The following SPTBN1 variants were observed in gnomAD, a reference collection of about 807,000 sequenced individuals.
SPTBN1 encodes spectrin beta, non-erythrocytic 1.
Under a neutral mutation model 266.4 loss-of-function variants are expected in SPTBN1, and 32 were observed. The observed-to-expected ratio is 0.12, with a 90% CI of 0.09 to 0.16. SPTBN1 has a LOEUF of 0.16. SPTBN1 is among the 10% of genes least tolerant of loss of function. The probability of loss-of-function intolerance (pLI) is 1.00; values close to 1 mark genes in which losing one functional copy is unlikely to be tolerated. For missense variants in SPTBN1, 2,296 were observed against 3,067.1 expected, an observed-to-expected ratio of 0.75 and a Z score of 5.94; for synonymous variants, 1,336 against 1,162.2, an observed-to-expected ratio of 1.15 and a Z score of -3.04.
chr2:54,659,305 C>T (rs765337112), intron 31 of SPTBN1, 39 bp downstream of exon 31: 42 of 1,600,762 alleles, frequency 2.6e-5, no homozygotes, highest in African/African-American at 9.4e-5. Flanking sequence ...CCCTTAGCCT[C>T]GGTGGCCAAT....
chr2:54,668,654 G>T lies in SPTBN1; in HGVS notation c.*85G>T. The T allele has an allele frequency of 1.6e-6, 2 of 1,271,790 alleles. No individual in the cohort carries two copies. Among genetic ancestry groups the T allele is most frequent in the Non-Finnish European group, 2.2e-6 (2 of 922,680 alleles). 78.8% of individuals were successfully genotyped at this position (1,271,790 alleles called of 1,614,324 possible). On this transcript the variant is annotated 3_prime_UTR_variant, in exon 36 of 36. Transcript: ENST00000356805. ...GCTCAGAACCAACACATTACTCTCT[G>T]TGCCTAATGTTCCTCAATGTGGTTG...
intron 2 of SPTBN1, among the ~76,000 whole-genome samples, chr2:54,535,703 C>T (rs1671557957): frequency 6.6e-6 from 1 of 152,196 alleles, no homozygotes; most frequent in Non-Finnish European, 1.5e-5. Context: ...TGCCTGGAAA[C>T]AGATGGCAAA....
At chr2:54,477,279 G>A (rs1266865513) in intron 1 of SPTBN1, among the ~76,000 whole-genome samples, 1 of 152,060 alleles carries the variant, frequency 6.6e-6, no homozygotes, top group African/African-American at 2.4e-5. Context: ...TAAACTTCAT[G>A]TAATAAACTT....
chr2:54,537,565 G>A (rs1671686014), intron 2 of SPTBN1, among the ~76,000 whole-genome samples: 1 of 152,206 alleles, frequency 6.6e-6, no homozygotes, highest in Admixed American at 6.5e-5. Flanking sequence ...GTGGGGTGGA[G>A]GAAGGCATTT....
Position 54,564,791 on chromosome 2 carries a change from G to A in SPTBN1, c.149-34301G>A, listed in dbSNP as rs114097210. Among the ~76,000 whole-genome samples the A allele has an allele frequency of 4.6e-3, 693 of 152,218 alleles. 3 individuals are homozygous for A. Among genetic ancestry groups the A allele is most frequent in the African/African-American group, 0.016 (668 of 41,522 alleles). On this transcript the variant is annotated intron_variant, in intron 2 of 35. Transcript: ENST00000356805. ...TCCTTTTAAGATTTGAAGTTTCAGC[G>A]CTTGATCATTCACCTGTGATTTTTC...
intron 1 of SPTBN1, among the ~76,000 whole-genome samples, chr2:54,463,627 C>G (rs1052078647): frequency 6.6e-6 from 1 of 152,156 alleles, no homozygotes; most frequent in African/African-American, 2.4e-5. Context: ...TTATTAAAGC[C>G]AAATGAGGTA....
intron 2 of SPTBN1, chr2:54,527,340 T>A (rs1670879687): frequency 6.6e-6 from 1 of 152,246 alleles, no homozygotes; most frequent in Non-Finnish European, 1.5e-5. Flanking sequence ...TTTTTTCTAA[T>A]GTCTTTAATT....
At position 54,617,725 on chromosome 2, in the gene SPTBN1, A is replaced by G. The variant is rs72920563; in HGVS notation, c.647+37A>G. 4,768 of 1,598,340 alleles carry G rather than the reference A, an allele frequency of 3.0e-3. 108 individuals are homozygous for G. The African/African-American group carries it at 0.048, about 16-fold the overall frequency. ...CAAATCATCCTAGCAATCGTGGGGT[A>G]AAAGGTTGCTGTCCTTCCATAGCAG... On this transcript the variant is annotated intron_variant, in intron 6 of 35. Transcript: ENST00000356805.
chr2:54,532,352 A>T (rs1671310072), intron 2 of SPTBN1, among the ~76,000 whole-genome samples: 1 of 152,256 alleles, frequency 6.6e-6, no homozygotes, highest in Non-Finnish European at 1.5e-5. Context: ...TTATGTTTAT[A>T]TCCAAGAATA....
chr2:54,465,709 A>T (rs1030504483), intron 1 of SPTBN1, among the ~76,000 whole-genome samples: 1 of 144,558 alleles, frequency 6.9e-6, no homozygotes, highest in Non-Finnish European at 1.5e-5. Context: ...TGATTGAGTA[A>T]TCTCTACCAC....
intron 1 of SPTBN1, among the ~76,000 whole-genome samples, chr2:54,473,627 C>T (rs963791499): frequency 6.6e-6 from 1 of 152,088 alleles, no homozygotes; most frequent in African/African-American, 2.4e-5. Context: ...ATACCATTAT[C>T]TGGTCCCCTC....
At chr2:54,667,957 C>T (rs567955690) in intron 35 of SPTBN1, among the ~76,000 whole-genome samples, 2 of 152,314 alleles carry the variant, frequency 1.3e-5, no homozygotes, top group African/African-American at 2.4e-5. Context: ...CCCGCTGCAC[C>T]CTTCGCCAGC....
intron 2 of SPTBN1, among the ~76,000 whole-genome samples, chr2:54,585,396 G>C (rs571050424): frequency 4.7e-5 from 7 of 150,200 alleles, no homozygotes; most frequent in East Asian, 1.9e-4. Context: ...TTGAATCTGA[G>C]GTCATTTTTT....
At chr2:54,549,552 C>T (rs1482620850) in intron 2 of SPTBN1, among the ~76,000 whole-genome samples, 1 of 152,176 alleles carries the variant, frequency 6.6e-6, no homozygotes, top group African/African-American at 2.4e-5. Flanking sequence ...GTGCCCTTCA[C>T]TTCTCTTGAG....
At chr2:54,497,966 G>GA (rs1164670606) in intron 1 of SPTBN1, among the ~76,000 whole-genome samples, 3 of 151,886 alleles carry the variant, frequency 2.0e-5, no homozygotes, top group Admixed American at 6.6e-5. Context: ...AATAACAAAG[G>GA]AAAAAAACAA....
rs894191485 is a variant in SPTBN1, at chr2:54,573,460, C to T, written c.149-25632C>T. On this transcript the variant is annotated intron_variant, in intron 2 of 35. Coordinates refer to ENST00000356805, the MANE Select transcript of SPTBN1 (RefSeq NM_003128.3). ...AGGCAGAGCTCAGGCAGTAATGCTT[C>T]CCATCCACCACTCACCTCCTGCTGT... Among the ~76,000 whole-genome samples, 8 of 152,190 alleles carry T rather than the reference C, an allele frequency of 5.3e-5. No individual in the cohort carries two copies. In the East Asian group the frequency reaches 1.3e-3, roughly 26 times the overall value.
chr2:54,511,568 A>C (rs747753172), intron 1 of SPTBN1, among the ~76,000 whole-genome samples: 5 of 152,168 alleles, frequency 3.3e-5, no homozygotes, highest in Non-Finnish European at 7.4e-5. Flanking sequence ...TGTAATATAT[A>C]ATGAAATAAT....
At chr2:54,484,844 T>G (rs1206803933) in intron 1 of SPTBN1, among the ~76,000 whole-genome samples, 1 of 151,992 alleles carries the variant, frequency 6.6e-6, no homozygotes, top group East Asian at 1.9e-4. Context: ...ACGTTTAGCT[T>G]CAAAAATGAC....
chr2:54,661,747 T>C, intron 32 of SPTBN1: 3 of 985,530 alleles, frequency 3.0e-6, no homozygotes, highest in Non-Finnish European at 3.6e-6. Flanking sequence ...TATATATATG[T>C]GTGTGTGTTT....
Sources: allele counts gnomAD v4.1 joint callset (sites outside exome capture counted in the v4.1 genomes callset), GRCh38; gene constraint gnomAD v4.1.1; transcripts MANE v1.5; gene names NCBI Gene and HGNC (gene_info 2026-07-23, HGNC 2026-07-21).